The following MALRD1 variants were observed in gnomAD, a reference collection of about 807,000 sequenced individuals.
MALRD1 encodes the protein MAM and LDL receptor class A domain containing 1.
Under a neutral mutation model 242.1 loss-of-function variants are expected in MALRD1, and 247 were observed. The observed-to-expected ratio is 1.02, with a 90% CI of 0.92 to 1.13. The LOEUF (loss-of-function observed/expected upper bound fraction) is 1.13. Among genes scored for constraint, MALRD1 ranks in the 50% most tolerant of loss-of-function variants. MALRD1 has a pLI of 0.00. For synonymous variants in MALRD1, 995 were observed against 866.6 expected (o/e 1.15, Z -2.60); for missense variants, 2,989 against 2,533.1 (o/e 1.18, Z -3.86).
At chr10:19,412,197 G>A (rs928575883) in intron 28 of MALRD1, among the ~76,000 whole-genome samples, 10 of 152,132 alleles carry the variant, frequency 6.6e-5, no homozygotes, top group Non-Finnish European at 1.0e-4. Flanking sequence ...AGGCTGAGGT[G>A]GGAGAATCAC....
chr10:19,608,862 A>G (rs1024404234), intron 35 of MALRD1, among the ~76,000 whole-genome samples: 1 of 152,156 alleles, frequency 6.6e-6, no homozygotes, highest in South Asian at 2.1e-4. Context: ...ATGTGCAAAG[A>G]TGGATACTCT....
chr10:19,068,076 C>T (rs1835034015), intron 2 of MALRD1, among the ~76,000 whole-genome samples: 1 of 152,078 alleles, frequency 6.6e-6, no homozygotes, highest in Admixed American at 6.6e-5. Flanking sequence ...TTGCTCCCAA[C>T]CTAACGGCCA....
chr10:19,190,282 A>G (rs1835914983), intron 14 of MALRD1, among the ~76,000 whole-genome samples: 1 of 152,066 alleles, frequency 6.6e-6, no homozygotes, highest in Non-Finnish European at 1.5e-5. Flanking sequence ...AATAAAAAAC[A>G]TTTCTGAAAT....
At chr10:19,415,316 A>G (rs1042915840) in intron 28 of MALRD1, among the ~76,000 whole-genome samples, 10 of 152,300 alleles carry the variant, frequency 6.6e-5, no homozygotes, top group Non-Finnish European at 1.0e-4. Context: ...ATTCATTTCA[A>G]TAAAGGTGGT....
At chr10:19,125,421 CCTT>C (rs1393955586) in intron 7 of MALRD1, among the ~76,000 whole-genome samples, 2 of 140,926 alleles carry the variant, frequency 1.4e-5, no homozygotes, top group East Asian at 4.1e-4. Context: ...TTCCTTCCTT[CCTT>C]CTTTCTTTCT....
At chr10:19,286,901 C>T (rs1357178000) in intron 21 of MALRD1, among the ~76,000 whole-genome samples, 2 of 150,464 alleles carry the variant, frequency 1.3e-5, no homozygotes, top group East Asian at 3.9e-4. Context: ...CCTTGATGAA[C>T]ATTGATGCAA....
In MALRD1 at chr10:19,668,594, T is replaced by G. The variant is rs957571139; in HGVS notation, c.6138-23688T>G. On this transcript the variant is annotated intron_variant, in intron 36 of 39. Transcript: ENST00000454679. Reference sequence around the variant, plus strand: ...TAACCCTGATGAAACAGAAGTGACATAGAGAGCTGAAGAGAAACATTTAAT... The same window carrying G: ...TAACCCTGATGAAACAGAAGTGACAGAGAGAGCTGAAGAGAAACATTTAAT... Among the ~76,000 whole-genome samples, 8 of 152,186 alleles carry G rather than the reference T, an allele frequency of 5.3e-5. 1 individual carries two copies. The highest frequency in any genetic ancestry group is 1.7e-4 in the African/African-American group (7 of 41,500).
rs1554803054 is a variant in MALRD1, at chr10:19,171,422, T to TTATATA, written c.1831-3785_1831-3780dup. Among the ~76,000 whole-genome samples the TTATATA allele has an allele frequency of 6.0e-3, 216 of 36,258 alleles. 4 individuals are homozygous for TTATATA. The highest frequency in any genetic ancestry group is 0.014 in the African/African-American group (173 of 12,716). 23.8% of individuals were successfully genotyped at this position (36,258 alleles called of 152,430 possible). The stretch of plus-strand genomic sequence containing the variant: ...GGAATTGGTCACAACATTTTATATT[T>TTATATA]TATATACATATATATATATATATAT... On this transcript the variant is annotated intron_variant, in intron 13 of 39. Coordinates refer to ENST00000454679, the MANE Select transcript of MALRD1 (RefSeq NM_001142308.3).
In MALRD1 at chr10:19,584,742, C is replaced by T. The variant is rs547290215; in HGVS notation, c.5681-10452C>T. ...GAGTTCTGTAGATGTCTATTAGGTC[C>T]ACTTGGTGCAGAGCTGAGTTCAATT... is the stretch of plus-strand genomic sequence containing the variant. On this transcript the variant is annotated intron_variant, in intron 33 of 39. Transcript: ENST00000454679. 2.4e-4 allele frequency among the ~76,000 whole-genome samples: 36 copies of T among 152,014 alleles called. 1 individual carries two copies. In the East Asian group the frequency reaches 5.8e-3, roughly 25 times the overall value.
intron 28 of MALRD1, among the ~76,000 whole-genome samples, chr10:19,422,069 G>A (rs973075573): frequency 1.3e-5 from 2 of 152,196 alleles, no homozygotes; most frequent in Admixed American, 6.5e-5. Flanking sequence ...CAGAAAAACA[G>A]CATTTTTTCC....
rs1414965129 is a variant in MALRD1 at position 19,091,696 on chromosome 10, G to T, written c.597+3511G>T. Among the ~76,000 whole-genome samples, 44 of 85,472 alleles carry T rather than the reference G, an allele frequency of 5.1e-4. 14 individuals carry two copies. The highest frequency in any genetic ancestry group is 1.1e-3 in the Admixed American group (8 of 7,490). The allele number at this position is 85,472 out of a possible 152,430, so 56.1% of individuals were successfully genotyped here. ...ATTGTGATGTTAGGGTGTCAATTTT[G>T]GATCTTTCCTGCTTTCTCTTGTAGG... On this transcript the variant is annotated intron_variant, in intron 4 of 39. Transcript: ENST00000454679.
intron 14 of MALRD1, among the ~76,000 whole-genome samples, chr10:19,191,390 T>C (rs1434236342): frequency 6.6e-6 from 1 of 152,172 alleles, no homozygotes; most frequent in African/African-American, 2.4e-5. Context: ...TGTGCACTGT[T>C]AGGGAATGTA....
chr10:19,442,265 C>G (rs1409111187), intron 28 of MALRD1, among the ~76,000 whole-genome samples: 1 of 152,192 alleles, frequency 6.6e-6, no homozygotes, highest in Admixed American at 6.5e-5. Flanking sequence ...AATATACAAT[C>G]ATGTCATCTG....
At chr10:19,106,614 G>T (rs911537869) in intron 5 of MALRD1, among the ~76,000 whole-genome samples, 7 of 151,412 alleles carry the variant, frequency 4.6e-5, no homozygotes, top group Admixed American at 3.3e-4. Context: ...GTATTGCTTT[G>T]TTTAGTTTCT....
chr10:19,588,401 A>G (rs1468633110), intron 33 of MALRD1, among the ~76,000 whole-genome samples: 1 of 152,214 alleles, frequency 6.6e-6, no homozygotes, highest in African/African-American at 2.4e-5. Context: ...ATGTCAGTGT[A>G]TTCTCAAAGA....
chr10:19,175,917 T>A (rs551087712), intron 14 of MALRD1, among the ~76,000 whole-genome samples: 6 of 152,234 alleles, frequency 3.9e-5, no homozygotes, highest in African/African-American at 1.4e-4. Flanking sequence ...TAAAAATGGA[T>A]CTCATATAGT....
intron 21 of MALRD1, among the ~76,000 whole-genome samples, chr10:19,304,243 C>T (rs1420332884): frequency 2.0e-5 from 3 of 151,684 alleles, no homozygotes; most frequent in Non-Finnish European, 4.4e-5. Context: ...ATCAGCTTCT[C>T]ATGTTCTCCA....
intron 32 of MALRD1, among the ~76,000 whole-genome samples, chr10:19,547,761 C>G (rs1379302410): frequency 9.2e-6 from 1 of 109,178 alleles, no homozygotes; most frequent in African/African-American, 3.4e-5. Context: ...TTATTGTACT[C>G]CATTTTACTG....
intron 29 of MALRD1, among the ~76,000 whole-genome samples, chr10:19,451,147 C>T (rs1047684477): frequency 5.9e-5 from 9 of 152,142 alleles, no homozygotes; most frequent in South Asian, 2.1e-4. Context: ...TGTTTTTCAA[C>T]ACAATTTTAA....
Sources: allele counts gnomAD v4.1 joint callset (sites outside exome capture counted in the v4.1 genomes callset), GRCh38; gene constraint gnomAD v4.1.1; transcripts MANE v1.5; gene names NCBI Gene and HGNC (gene_info 2026-07-23, HGNC 2026-07-21).